Variants in ATF7IP observed in about 807,000 individuals in gnomAD.
ATF7IP encodes activating transcription factor 7-interacting protein 1.
Under a neutral mutation model 106.4 loss-of-function variants are expected in ATF7IP, and 23 were observed. The observed-to-expected ratio is 0.22, with a 90% CI of 0.16 to 0.31. The LOEUF (loss-of-function observed/expected upper bound fraction) is 0.31, where lower values mean the gene tolerates loss of function less well. ATF7IP is among the 10% of genes least tolerant of loss of function. The pLI, the probability that ATF7IP is intolerant of heterozygous loss-of-function variation, is 1.00. For missense variants in ATF7IP, 1,334 were observed against 1,524.3 expected (o/e 0.88, Z 2.08); for synonymous variants, 542 against 539.0 (o/e 1.01, Z -0.08).
At chr12:14,419,703 T>G (rs1447513357) in intron 1 of ATF7IP, among the ~76,000 whole-genome samples, 1 of 152,160 alleles carries the variant, frequency 6.6e-6, no homozygotes, top group Non-Finnish European at 1.5e-5. Context: ...GTGTGAAATT[T>G]TAGTCTGTAA....
chr12:14,444,941 T>C (rs1942875686), intron 5 of ATF7IP, among the ~76,000 whole-genome samples: 1 of 151,276 alleles, frequency 6.6e-6, no homozygotes, highest in Admixed American at 6.6e-5. Context: ...TAAGTAAAAA[T>C]AGAATAATAA....
chr12:14,491,561 A>G (rs886962768), intron 13 of ATF7IP, among the ~76,000 whole-genome samples: 17 of 152,230 alleles, frequency 1.1e-4, no homozygotes, highest in African/African-American at 3.9e-4. Flanking sequence ...GCAGTGTGGT[A>G]TCTTGCAGGA....
At chr12:14,484,017 A>C (rs546346878) in intron 13 of ATF7IP, among the ~76,000 whole-genome samples, 4 of 152,232 alleles carry the variant, frequency 2.6e-5, no homozygotes, top group African/African-American at 9.6e-5. Flanking sequence ...ATCTGGAGTA[A>C]GTGTCTATTC....
At chr12:14,434,472 CTG>C (rs780765215) in intron 3 of ATF7IP, 49 bp downstream of exon 3, 1 of 1,113,374 alleles carries the variant, frequency 9.0e-7, no homozygotes, top group Non-Finnish European at 1.3e-6. Flanking sequence ...TAATAATTCA[CTG>C]TTTCTATATT....
chr12:14,438,730 G>A (rs1942544854), intron 5 of ATF7IP, among the ~76,000 whole-genome samples: 1 of 152,134 alleles, frequency 6.6e-6, no homozygotes. Flanking sequence ...ACTCCAACAT[G>A]ACTTCATCTT....
intron 1 of ATF7IP, among the ~76,000 whole-genome samples, chr12:14,412,587 A>C (rs937279426): frequency 6.6e-6 from 1 of 152,152 alleles, no homozygotes; most frequent in African/African-American, 2.4e-5. Context: ...ATAGATTTTT[A>C]TATGTTAATC....
chr12:14,494,329 A>ATGTGTG (rs1459016569), intron 13 of ATF7IP, among the ~76,000 whole-genome samples: 51 of 92,980 alleles, frequency 5.5e-4, no homozygotes, highest in Admixed American at 2.0e-3. Flanking sequence ...ATATATATAT[A>ATGTGTG]TATATGTGTG....
intron 1 of ATF7IP, among the ~76,000 whole-genome samples, chr12:14,402,849 C>T (rs941672011): frequency 3.9e-5 from 6 of 152,128 alleles, no homozygotes; most frequent in African/African-American, 1.4e-4. Context: ...CCACCCACCT[C>T]ACCCTTCCAA....
chr12:14,474,405 T>C (rs994945341), intron 10 of ATF7IP, among the ~76,000 whole-genome samples: 2 of 148,150 alleles, frequency 1.3e-5, no homozygotes, highest in Non-Finnish European at 3.0e-5. Flanking sequence ...TTCTTTGAAT[T>C]TTTTTTTTTT....
At chr12:14,384,730 T>C (rs1396856955) in intron 1 of ATF7IP, among the ~76,000 whole-genome samples, 3 of 152,178 alleles carry the variant, frequency 2.0e-5, no homozygotes, top group African/African-American at 7.2e-5. Context: ...TTGAGCACTT[T>C]GGGGCTTTTA....
At chr12:14,479,060 C>G (rs1944350715) in intron 12 of ATF7IP, among the ~76,000 whole-genome samples, 1 of 152,122 alleles carries the variant, frequency 6.6e-6, no homozygotes, top group South Asian at 2.1e-4. Flanking sequence ...GAAAATAATA[C>G]TATTCTGAGT....
At chr12:14,415,432 A>C (rs1378970097) in intron 1 of ATF7IP, among the ~76,000 whole-genome samples, 2 of 152,154 alleles carry the variant, frequency 1.3e-5, no homozygotes, top group Non-Finnish European at 2.9e-5. Flanking sequence ...ATGTAACCAA[A>C]CTTTTAAGGA....
intron 6 of ATF7IP, among the ~76,000 whole-genome samples, chr12:14,454,346 T>G (rs998600440): frequency 6.6e-6 from 1 of 152,154 alleles, no homozygotes; most frequent in African/African-American, 2.4e-5. Context: ...TTACTGCAAT[T>G]TCTCTGGTGC....
rs1444070795 is a variant in ATF7IP, at chr12:14,475,756, A to C, written c.2863-134A>C. ...TTTGTCTGACAAACTCTCTTTATTC[A>C]GGTACAGCCATTTAAGGGTCCAGAT... On this transcript the variant is annotated intron_variant, in intron 10 of 14. Coordinates refer to ENST00000261168, the MANE Select transcript of ATF7IP (RefSeq NM_018179.5). The C allele has an allele frequency of 4.1e-5, 24 of 589,900 alleles. 1 individual carries two copies. In the East Asian group the frequency reaches 7.1e-4, roughly 17 times the overall value. The allele number at this position is 589,900 out of a possible 1,614,324, so 36.5% of individuals were successfully genotyped here. A position where few individuals can be genotyped will look rare whatever the true frequency, so the allele number is the denominator to read the frequency against.
rs780679261 is a variant in ATF7IP at position 14,457,158 on chromosome 12, C to A, written c.2070-49C>A. 2.7e-6 allele frequency: 4 copies of A among 1,464,470 alleles called. No homozygotes were observed. In the South Asian group the frequency reaches 4.7e-5, roughly 17 times the overall value. The allele number at this position is 1,464,470 out of a possible 1,614,324, so 90.7% of individuals were successfully genotyped here. A position where few individuals can be genotyped will look rare whatever the true frequency, so the allele number is the denominator to read the frequency against. ...CTTATTCTAGATATCAGTTGGTATT[C>A]CCTGAGTGGCATATCTATTGACTAT... On this transcript the variant is annotated intron_variant, in intron 7 of 14. Coordinates refer to ENST00000261168, the MANE Select transcript of ATF7IP (RefSeq NM_018179.5).
At chr12:14,446,687 G>A (rs977528411) in intron 5 of ATF7IP, among the ~76,000 whole-genome samples, 1 of 152,008 alleles carries the variant, frequency 6.6e-6, no homozygotes, top group African/African-American at 2.4e-5. Context: ...ACAAAACACA[G>A]GCTTACATAT....
intron 1 of ATF7IP, among the ~76,000 whole-genome samples, chr12:14,388,737 T>C (rs1939386112): frequency 6.6e-6 from 1 of 152,054 alleles, no homozygotes. Context: ...CTCCACTTCC[T>C]GGGTTCAAAC....
At chr12:14,385,362 T>G in intron 1 of ATF7IP, 1 of 1,533,308 alleles carries the variant, frequency 6.5e-7, no homozygotes, top group Non-Finnish European at 8.7e-7. Flanking sequence ...GCAGCAAGTA[T>G]GTCAGTGAGG....
intron 2 of ATF7IP, among the ~76,000 whole-genome samples, chr12:14,432,793 T>A (rs1565507174): frequency 6.6e-6 from 1 of 152,208 alleles, no homozygotes; most frequent in Non-Finnish European, 1.5e-5. Context: ...TTAATATTAG[T>A]TGCAGAACGT....
Sources: allele counts gnomAD v4.1 joint callset (sites outside exome capture counted in the v4.1 genomes callset), GRCh38; gene constraint gnomAD v4.1.1; transcripts MANE v1.5; gene names NCBI Gene and HGNC (gene_info 2026-07-23, HGNC 2026-07-21).